ARHGAP15: variants seen among roughly 807,000 people sequenced by gnomAD.
The protein encoded by ARHGAP15 is rho GTPase-activating protein 15.
Under a neutral mutation model 63.7 loss-of-function variants are expected in ARHGAP15, and 51 were observed. The ratio of observed to expected loss-of-function variants is 0.80; its 90% CI spans 0.64 to 1.01. ARHGAP15 has a LOEUF of 1.01. ARHGAP15 is among the 50% of genes least tolerant of loss of function. The pLI, the probability that ARHGAP15 is intolerant of heterozygous loss-of-function variation, is 0.00. For missense variants in ARHGAP15, 560 were observed against 564.6 expected (o/e 0.99, Z 0.08); for synonymous variants, 191 against 193.8 (o/e 0.99, Z 0.12).
intron 9 of ARHGAP15, among the ~76,000 whole-genome samples, chr2:143,507,945 TC>T (rs1482779671): frequency 2.0e-5 from 3 of 150,546 alleles, no homozygotes; most frequent in Non-Finnish European, 4.4e-5. Context: ...TGATGAGCCT[TC>T]CTACTTCTCC....
chr2:143,233,033 A>G (rs1693508872), intron 5 of ARHGAP15, among the ~76,000 whole-genome samples: 1 of 152,174 alleles, frequency 6.6e-6, no homozygotes, highest in African/African-American at 2.4e-5. Flanking sequence ...TTCTACTAAG[A>G]TGTTACCTTG....
chr2:143,204,581 A>C, intron 3 of ARHGAP15, among the ~76,000 whole-genome samples: 1 of 152,102 alleles, frequency 6.6e-6, no homozygotes, highest in East Asian at 1.9e-4. Flanking sequence ...TAGGATTTCA[A>C]CATATGAGTT....
At chr2:143,343,436 T>C (rs544829678) in intron 6 of ARHGAP15, among the ~76,000 whole-genome samples, 3 of 151,986 alleles carry the variant, frequency 2.0e-5, no homozygotes, top group African/African-American at 7.2e-5. Flanking sequence ...CAGGTAGAGA[T>C]TGGACTAAGA....
intron 6 of ARHGAP15, among the ~76,000 whole-genome samples, chr2:143,397,192 C>G (rs914084889): frequency 3.9e-5 from 6 of 151,948 alleles, no homozygotes; most frequent in African/African-American, 1.4e-4. Context: ...AATCCCTAAA[C>G]ATAGTTTGGA....
At chr2:143,332,713 AAAG>A (rs1331539219) in intron 6 of ARHGAP15, among the ~76,000 whole-genome samples, 1 of 152,180 alleles carries the variant, frequency 6.6e-6, no homozygotes, top group East Asian at 1.9e-4. Flanking sequence ...CTTGGCTGGA[AAAG>A]AAGAGCTCTG....
chr2:143,516,912 G>C (rs1693846454), intron 9 of ARHGAP15, among the ~76,000 whole-genome samples: 1 of 152,130 alleles, frequency 6.6e-6, no homozygotes, highest in African/African-American at 2.4e-5. Flanking sequence ...GGATAAAAAT[G>C]CACATTTCCA....
At chr2:143,496,588 A>G (rs1050023078) in intron 9 of ARHGAP15, among the ~76,000 whole-genome samples, 4 of 152,288 alleles carry the variant, frequency 2.6e-5, no homozygotes, top group African/African-American at 9.6e-5. Context: ...TTACCAGTAA[A>G]TTTCTGGTAT....
intron 13 of ARHGAP15, among the ~76,000 whole-genome samples, chr2:143,749,032 T>G (rs1470258318): frequency 1.3e-5 from 2 of 152,136 alleles, no homozygotes; most frequent in Non-Finnish European, 2.9e-5. Flanking sequence ...ACAACTCAAG[T>G]ACTCAACTCA....
chr2:143,664,075 A>G (rs1479852454), intron 12 of ARHGAP15, among the ~76,000 whole-genome samples: 10 of 150,788 alleles, frequency 6.6e-5, no homozygotes, highest in South Asian at 4.2e-4. Flanking sequence ...ATAGACATCT[A>G]CAGAACTCTC....
At chr2:143,516,989 GC>G (rs34560921) in intron 9 of ARHGAP15, among the ~76,000 whole-genome samples, 73,784 of 151,870 alleles carry the variant, frequency 0.49, 18,354 homozygotes, top group African/African-American at 0.58. Context: ...TCACTCTGTT[GC>G]CAGGCCTGGA....
intron 2 of ARHGAP15, among the ~76,000 whole-genome samples, chr2:143,166,474 A>G (rs1690540257): frequency 6.6e-6 from 1 of 152,132 alleles, no homozygotes. Context: ...GGCTGGGGAC[A>G]TAAACCAAAA....
At chr2:143,631,910 T>A (rs1458012991) in intron 12 of ARHGAP15, among the ~76,000 whole-genome samples, 2 of 152,120 alleles carry the variant, frequency 1.3e-5, no homozygotes, top group African/African-American at 4.8e-5. Flanking sequence ...TCTCAGCCAG[T>A]GAATTTTTTT....
intron 13 of ARHGAP15, among the ~76,000 whole-genome samples, chr2:143,752,282 A>G (rs1403392035): frequency 3.9e-5 from 6 of 152,168 alleles, no homozygotes; most frequent in Admixed American, 3.9e-4. Context: ...GGCCCCTATA[A>G]TCACATACAA....
chr2:143,147,642 A>G (rs1689643541), intron 1 of ARHGAP15, among the ~76,000 whole-genome samples: 2 of 152,102 alleles, frequency 1.3e-5, no homozygotes, highest in South Asian at 4.1e-4. Context: ...CTTTAATTAG[A>G]TGCAATTGCA....
intron 12 of ARHGAP15, among the ~76,000 whole-genome samples, chr2:143,627,150 CTGT>C (rs1233404141): frequency 6.6e-6 from 1 of 152,152 alleles, no homozygotes; most frequent in Non-Finnish European, 1.5e-5. Flanking sequence ...AAGGAAATTT[CTGT>C]TGTTTATGAA....
intron 12 of ARHGAP15, among the ~76,000 whole-genome samples, chr2:143,658,060 A>T (rs924390151): frequency 6.6e-6 from 1 of 152,210 alleles, no homozygotes; most frequent in Non-Finnish European, 1.5e-5. Flanking sequence ...TGAAATTGTA[A>T]TTCCCAGAAT....
chr2:143,556,380 A>G, intron 10 of ARHGAP15, 28 bp from the exon 11 acceptor site: 1 of 1,542,428 alleles, frequency 6.5e-7, no homozygotes, highest in Admixed American at 1.8e-5. Context: ...TATATGTGCT[A>G]ATATAAAATA....
intron 13 of ARHGAP15, among the ~76,000 whole-genome samples, chr2:143,711,993 G>A (rs1352071090): frequency 6.6e-6 from 1 of 152,162 alleles, no homozygotes; most frequent in Non-Finnish European, 1.5e-5. Context: ...CAAGTGGAGA[G>A]GTAAGGTAAT....
chr2:143,562,510 CTG>C (rs1696074418), intron 11 of ARHGAP15, among the ~76,000 whole-genome samples: 1 of 152,216 alleles, frequency 6.6e-6, no homozygotes, highest in African/African-American at 2.4e-5. Context: ...GAAACAAACT[CTG>C]TTATTCGCTT....
Sources: allele counts gnomAD v4.1 joint callset (sites outside exome capture counted in the v4.1 genomes callset), GRCh38; gene constraint gnomAD v4.1.1; transcripts MANE v1.5; gene names NCBI Gene and HGNC (gene_info 2026-07-23, HGNC 2026-07-21).